Variants in P2RY8 observed in about 807,000 individuals in gnomAD.
The protein encoded by P2RY8 is S-geranylgeranyl-glutathione receptor P2RY8.
In P2RY8, 6 loss-of-function variants were observed where a neutral mutation model predicts 10.0. That is an observed-to-expected ratio of 0.60 (90% CI 0.33 to 1.19). P2RY8 has a LOEUF of 1.19. Among genes scored for constraint, P2RY8 ranks in the 50% most tolerant of loss-of-function variants. The pLI, the probability that P2RY8 is intolerant of heterozygous loss-of-function variation, is 0.04. For missense variants in P2RY8, 456 were observed against 542.0 expected (o/e 0.84, Z 1.58); for synonymous variants, 276 against 252.5 (o/e 1.09, Z -0.88).
chrX:1,530,140 TG>T lies in P2RY8; in HGVS notation c.-25+6780del, dbSNP rs1385704079. 5.7e-4 allele frequency among the ~76,000 whole-genome samples: 3 copies of T among 5,230 alleles called. No homozygotes were observed. In the Admixed American group the frequency reaches 0.021, roughly 37 times the overall value. The allele number at this position is 5,230 out of a possible 152,430, so 3.4% of individuals were successfully genotyped here. On this transcript the variant is annotated intron_variant, in intron 1 of 1. Coordinates refer to ENST00000381297, the MANE Select transcript of P2RY8 (RefSeq NM_178129.5). ...ATCTATGCATCTATGTATGTATGTA[TG>T]TATGTATGTATGTATGATCTATCTA...
chrX:1,473,635 G>T (rs111161762), intron 1 of P2RY8, among the ~76,000 whole-genome samples: 4 of 151,018 alleles, frequency 2.6e-5, no homozygotes, highest in Non-Finnish European at 5.9e-5. Context: ...TGGATGTGTG[G>T]GTGGATGAAT....
intron 1 of P2RY8, among the ~76,000 whole-genome samples, chrX:1,514,857 C>T (rs865908666): frequency 8.4e-3 from 12 of 1,428 alleles, no homozygotes; most frequent in Non-Finnish European, 0.03. Flanking sequence ...TTCCCTCCCC[C>T]TCCCCCTCCC....
intron 1 of P2RY8, among the ~76,000 whole-genome samples, chrX:1,526,303 T>C (rs1456220691): frequency 1.3e-5 from 2 of 151,500 alleles, no homozygotes; most frequent in African/African-American, 4.8e-5. Context: ...ATTCATTCCT[T>C]ATCCAGCCGC....
intron 1 of P2RY8, among the ~76,000 whole-genome samples, chrX:1,508,178 T>C (rs2092252773): frequency 6.6e-6 from 1 of 152,078 alleles, no homozygotes. Flanking sequence ...TCTAAAACCA[T>C]GGAAAGCCCC....
chrX:1,518,167 C>T (rs1289770662), intron 1 of P2RY8, among the ~76,000 whole-genome samples: 12 of 147,886 alleles, frequency 8.1e-5, no homozygotes, highest in Admixed American at 2.7e-4. Context: ...GGCTCACGCC[C>T]GTCATCTCAG....
intron 1 of P2RY8, among the ~76,000 whole-genome samples, chrX:1,475,137 C>G (rs2091861219): frequency 7.2e-6 from 1 of 139,686 alleles, no homozygotes; most frequent in African/African-American, 2.7e-5. Flanking sequence ...ATGGATGGAT[C>G]AGTGTTTAGG....
chrX:1,487,938 G>A (rs1259245009), intron 1 of P2RY8, among the ~76,000 whole-genome samples: 16 of 152,036 alleles, frequency 1.1e-4, no homozygotes, highest in Admixed American at 2.6e-4. Context: ...GTGAAACCCC[G>A]TCTCTACTAA....
intron 1 of P2RY8, among the ~76,000 whole-genome samples, chrX:1,486,150 G>A (rs1187362262): frequency 1.1e-4 from 16 of 152,282 alleles, no homozygotes; most frequent in Middle Eastern, 3.4e-3. Context: ...CCCGGGAGGC[G>A]GAGGTTGCAG....
intron 1 of P2RY8, among the ~76,000 whole-genome samples, chrX:1,472,121 A>T (rs758218568): frequency 1.1e-4 from 17 of 152,050 alleles, no homozygotes; most frequent in African/African-American, 4.1e-4. Flanking sequence ...CGTAGAAGGA[A>T]GTTGTCGTGG....
At chrX:1,475,155 A>G (rs2091861379) in intron 1 of P2RY8, among the ~76,000 whole-genome samples, 1 of 146,244 alleles carries the variant, frequency 6.8e-6, no homozygotes, top group African/African-American at 2.6e-5. Context: ...AGGTGGCTGG[A>G]TTTATGGGTG....
intron 1 of P2RY8, among the ~76,000 whole-genome samples, chrX:1,484,694 C>T (rs2091969884): frequency 7.5e-6 from 1 of 133,258 alleles, no homozygotes; most frequent in South Asian, 2.4e-4. Flanking sequence ...CACCACTGCA[C>T]TCCAGCCTGC....
Position 1,524,334 on chromosome X carries a change from C to T in P2RY8, c.-25+12587G>A, listed in dbSNP as rs771100043. Among the ~76,000 whole-genome samples, 421 of 151,292 alleles carry T rather than the reference C, an allele frequency of 2.8e-3. 7 individuals carry two copies. Among genetic ancestry groups the T allele is most frequent in the African/African-American group, 9.1e-3 (376 of 41,144 alleles). ...TCCGCTCATTCATTCCTCATCCATC[C>T]ATGCATCCATCCATTCATCCATCCA... On this transcript the variant is annotated intron_variant, in intron 1 of 1. Transcript: ENST00000381297.
At chrX:1,472,959 G>T (rs1359906142) in intron 1 of P2RY8, among the ~76,000 whole-genome samples, 1 of 125,430 alleles carries the variant, frequency 8.0e-6, no homozygotes, top group Non-Finnish European at 1.7e-5. Context: ...TGCATGGGTG[G>T]GCGGATGGGT....
chrX:1,496,402 TCACAGC>T (rs1340070057), intron 1 of P2RY8, among the ~76,000 whole-genome samples: 1 of 152,126 alleles, frequency 6.6e-6, no homozygotes, highest in African/African-American at 2.4e-5. Flanking sequence ...ATGAGAAGGC[TCACAGC>T]CACAGCCACA....
chrX:1,467,074 C>T (rs1266049638), intron 1 of P2RY8, among the ~76,000 whole-genome samples: 3 of 152,014 alleles, frequency 2.0e-5, no homozygotes, highest in Non-Finnish European at 2.9e-5. Context: ...ACAAAGCCAC[C>T]GTCAGCCCCC....
At chrX:1,509,886 C>G (rs1288460578) in intron 1 of P2RY8, among the ~76,000 whole-genome samples, 2 of 151,546 alleles carry the variant, frequency 1.3e-5, no homozygotes. Context: ...TCCATTCTAT[C>G]TATCTATGTA....
At chrX:1,479,806 G>A (rs2091914591) in intron 1 of P2RY8, among the ~76,000 whole-genome samples, 1 of 152,090 alleles carries the variant, frequency 6.6e-6, no homozygotes, top group Non-Finnish European at 1.5e-5. Context: ...AAATGAAAGA[G>A]GAGACATCAC....
chrX:1,483,012 G>A (rs1175266140), intron 1 of P2RY8, among the ~76,000 whole-genome samples: 1 of 152,032 alleles, frequency 6.6e-6, no homozygotes, highest in Non-Finnish European at 1.5e-5. Flanking sequence ...GTTAATGGGT[G>A]CAGCACACCA....
chrX:1,473,039 G>A (rs1419152393), intron 1 of P2RY8, among the ~76,000 whole-genome samples: 1 of 148,616 alleles, frequency 6.7e-6, no homozygotes, highest in Admixed American at 6.7e-5. Flanking sequence ...GTGAATGGGT[G>A]AGTGGGTGGG....
Sources: allele counts gnomAD v4.1 joint callset (sites outside exome capture counted in the v4.1 genomes callset), GRCh38; gene constraint gnomAD v4.1.1; transcripts MANE v1.5; gene names NCBI Gene and HGNC (gene_info 2026-07-23, HGNC 2026-07-21).